Variants in STX8 observed in about 807,000 individuals in gnomAD.
STX8 encodes the protein syntaxin 8, also known as syntaxin-8.
A neutral mutation model predicts 37.5 loss-of-function variants in STX8; 23 were observed. That is an observed-to-expected ratio of 0.61 (90% CI 0.44 to 0.87). STX8 has a LOEUF of 0.87. STX8 is among the 40% of genes least tolerant of loss of function. STX8 has a pLI of 0.00. For synonymous variants in STX8, 115 were observed against 99.1 expected, an observed-to-expected ratio of 1.16 and a Z score of -0.95; for missense variants, 313 against 284.7, an observed-to-expected ratio of 1.10 and a Z score of -0.71.
Position 9,373,353 on chromosome 17 carries a change from TGGAACAACCTGTGTCCACTGACAAATGG to T in STX8, c.643+5171_643+5198del, listed in dbSNP as rs1415502173. Among the ~76,000 whole-genome samples, 172 of 152,206 alleles carry T rather than the reference TGGAACAACCTGTGTCCACTGACAAATGG, an allele frequency of 1.1e-3. 1 individual carries two copies. The highest frequency in any genetic ancestry group is 3.9e-3 in the African/African-American group (163 of 41,538). ...GGCATTATTCACAATAGCCAAAAGGTGGAACAACCTGTGTCCACTGACAAATGGATAAACAAAATGTGATATATACATA... is the reference window on the plus strand; with the variant it reads ...GGCATTATTCACAATAGCCAAAAGGTATAAACAAAATGTGATATATACATA... On this transcript the variant is annotated intron_variant, in intron 7 of 7. Coordinates refer to ENST00000306357, the MANE Select transcript of STX8 (RefSeq NM_004853.3).
chr17:9,570,338 C>T (rs1466424325), intron 1 of STX8, among the ~76,000 whole-genome samples: 1 of 151,988 alleles, frequency 6.6e-6, no homozygotes, highest in African/African-American at 2.4e-5. Flanking sequence ...CTGTAAACTT[C>T]ATAAGGATCC....
intron 5 of STX8, among the ~76,000 whole-genome samples, chr17:9,501,783 C>T (rs1904622699): frequency 6.6e-6 from 1 of 151,902 alleles, no homozygotes; most frequent in South Asian, 2.1e-4. Flanking sequence ...ACCAGCATGG[C>T]TAACACGGTG....
At chr17:9,260,542 T>C (rs754828215) in intron 7 of STX8, among the ~76,000 whole-genome samples, 69 of 151,462 alleles carry the variant, frequency 4.6e-4, no homozygotes, top group Non-Finnish European at 9.0e-4. Context: ...GAAAATTGCT[T>C]CAACTCGGGA....
intron 7 of STX8, among the ~76,000 whole-genome samples, chr17:9,302,129 GT>G (rs1383570238): frequency 3.9e-5 from 6 of 152,198 alleles, no homozygotes; most frequent in Non-Finnish European, 7.4e-5. Context: ...TTCCATTTAT[GT>G]TCTCTAATTA....
intron 7 of STX8, among the ~76,000 whole-genome samples, chr17:9,324,437 A>T (rs1909689616): frequency 1.3e-5 from 2 of 152,044 alleles, no homozygotes; most frequent in African/African-American, 4.8e-5. Flanking sequence ...CCTGGTGCGC[A>T]GTGTGATGGG....
rs1185364194 is a variant in STX8 at position 9,534,249 on chromosome 17, T to TA, written c.323+10922dup. Among the ~76,000 whole-genome samples the TA allele has an allele frequency of 9.5e-4, 138 of 145,600 alleles. 1 individual carries two copies. The highest frequency in any genetic ancestry group is 6.0e-3 in the Admixed American group (87 of 14,606). ...GATTTAAAACAGCAACCAAAAAGAT[T>TA]AAAAAAAAAACAAATAAATTTGACC... On this transcript the variant is annotated intron_variant, in intron 4 of 7. Transcript: ENST00000306357.
intron 6 of STX8, among the ~76,000 whole-genome samples, chr17:9,414,065 T>TCAA (rs1913078181): frequency 1.6e-3 from 184 of 117,462 alleles, no homozygotes; most frequent in African/African-American, 1.5e-3. Flanking sequence ...TGTCCATCCA[T>TCAA]CCATCCACCC....
chr17:9,263,766 T>C (rs1376722669), intron 7 of STX8, among the ~76,000 whole-genome samples: 1 of 152,212 alleles, frequency 6.6e-6, no homozygotes, highest in Non-Finnish European at 1.5e-5. Context: ...GCAAAGAGTA[T>C]GTGCATTTTT....
chr17:9,254,518 C>A (rs1183778982), intron 7 of STX8, among the ~76,000 whole-genome samples: 1 of 152,006 alleles, frequency 6.6e-6, no homozygotes, highest in Non-Finnish European at 1.5e-5. Flanking sequence ...GCTTTAGCCT[C>A]CCAAGTAGCG....
chr17:9,398,334 C>T (rs1162741699), intron 6 of STX8, among the ~76,000 whole-genome samples: 3 of 152,160 alleles, frequency 2.0e-5, no homozygotes, highest in African/African-American at 7.2e-5. Context: ...CAACTCATAA[C>T]CCCAGTGTTA....
intron 7 of STX8, among the ~76,000 whole-genome samples, chr17:9,306,474 G>T (rs1023809725): frequency 6.6e-6 from 1 of 151,884 alleles, no homozygotes; most frequent in Non-Finnish European, 1.5e-5. Flanking sequence ...TAAGGGCCAG[G>T]TACGGTATCT....
chr17:9,571,623 A>G (rs1907695266), intron 1 of STX8, among the ~76,000 whole-genome samples: 1 of 138,548 alleles, frequency 7.2e-6, no homozygotes, highest in African/African-American at 2.7e-5. Context: ...AAAAAAAGTA[A>G]TCTGGGCCGG....
At chr17:9,340,567 A>G (rs1298267727) in intron 7 of STX8, among the ~76,000 whole-genome samples, 1 of 150,422 alleles carries the variant, frequency 6.6e-6, no homozygotes, top group Non-Finnish European at 1.5e-5. Flanking sequence ...ATCTACTCTT[A>G]TGAATCCTAA....
chr17:9,496,161 C>T (rs1904393711), intron 5 of STX8, among the ~76,000 whole-genome samples: 1 of 151,858 alleles, frequency 6.6e-6, no homozygotes, highest in Non-Finnish European at 1.5e-5. Context: ...CTGTAACCTC[C>T]ACCTTCCAAG....
chr17:9,346,000 C>T (rs145613864), intron 7 of STX8, among the ~76,000 whole-genome samples: 4,282 of 151,726 alleles, frequency 0.028, 112 homozygotes, highest in African/African-American at 0.073. Flanking sequence ...TACAGGCACA[C>T]GCCACCACAC....
rs140965935 is a variant in STX8, at chr17:9,356,960, G to GTTT, written c.643+21589_643+21591dup. Among the ~76,000 whole-genome samples, 29 of 61,748 alleles carry GTTT rather than the reference G, an allele frequency of 4.7e-4. 1 individual carries two copies. Among genetic ancestry groups the GTTT allele is most frequent in the African/African-American group, 1.2e-3 (19 of 16,088 alleles). The allele number at this position is 61,748 out of a possible 152,430, so 40.5% of individuals were successfully genotyped here. On this transcript the variant is annotated intron_variant, in intron 7 of 7. Transcript: ENST00000306357. ...TTTCATTCTCTCCATCCTTTTAACA[G>GTTT]TTTTTTTTTTTTTTTTTTTTTTTTT...
At chr17:9,528,538 G>A (rs923340058) in intron 4 of STX8, among the ~76,000 whole-genome samples, 1 of 152,160 alleles carries the variant, frequency 6.6e-6, no homozygotes, top group African/African-American at 2.4e-5. Flanking sequence ...TCGATCTCCT[G>A]ACCTCGTGAT....
intron 6 of STX8, among the ~76,000 whole-genome samples, chr17:9,439,365 A>G (rs1022995528): frequency 3.9e-5 from 6 of 152,180 alleles, no homozygotes; most frequent in Non-Finnish European, 8.8e-5. Context: ...ACCAATGCCT[A>G]ACAAAACACT....
Position 9,322,827 on chromosome 17 carries a change from A to AAAAAAG in STX8, c.643+55724_643+55725insCTTTTT, listed in dbSNP as rs1298363755. ...GGGTGCATTTGCTAAAAAAAAAAAA[A>AAAAAAG]AAAAAAAAAAAAAGAGGCAAAACCC... On this transcript the variant is annotated intron_variant, in intron 7 of 7. Transcript: ENST00000306357. Among the ~76,000 whole-genome samples the AAAAAAG allele has an allele frequency of 5.7e-3, 845 of 148,742 alleles. 13 individuals carry two copies. Among genetic ancestry groups the AAAAAAG allele is most frequent in the African/African-American group, 0.021 (809 of 39,216 alleles).
Sources: gnomAD v4.1 joint callset for allele counts (sites outside exome capture counted in the v4.1 genomes callset) on GRCh38, gnomAD v4.1.1 for gene constraint, MANE v1.5 for transcripts, NCBI Gene and HGNC (gene_info 2026-07-23, HGNC 2026-07-21) for gene names.